The following RIMS2 variants were observed in gnomAD, a reference collection of about 807,000 sequenced individuals.
RIMS2 encodes the protein regulating synaptic membrane exocytosis 2.
In RIMS2, 59 loss-of-function variants were observed where a neutral mutation model predicts 174.4. That is an observed-to-expected ratio of 0.34 (90% CI 0.27 to 0.42). The LOEUF (loss-of-function observed/expected upper bound fraction) is 0.42, where lower values mean the gene tolerates loss of function less well. Ranked by LOEUF, RIMS2 falls within the 10% of genes least tolerant of loss-of-function variation. The pLI is 1.00. For missense variants in RIMS2, 1,620 were observed against 1,666.3 expected, an observed-to-expected ratio of 0.97 and a Z score of 0.48; for synonymous variants, 606 against 572.5, an observed-to-expected ratio of 1.06 and a Z score of -0.84.
chr8:104,104,470 T>C (rs1437825882), intron 19 of RIMS2, among the ~76,000 whole-genome samples: 2 of 152,180 alleles, frequency 1.3e-5, no homozygotes, highest in East Asian at 3.9e-4. Context: ...AGAGTGCTTG[T>C]ATAAATGTCA....
chr8:103,719,681 A>T (rs1046237806), intron 2 of RIMS2, among the ~76,000 whole-genome samples: 7 of 152,240 alleles, frequency 4.6e-5, no homozygotes, highest in African/African-American at 1.7e-4. Flanking sequence ...TTTTAAACAT[A>T]ATTTAATGTT....
At chr8:103,857,046 A>C (rs1258808558) in intron 3 of RIMS2, among the ~76,000 whole-genome samples, 1 of 152,142 alleles carries the variant, frequency 6.6e-6, no homozygotes, top group South Asian at 2.1e-4. Context: ...ATATCATTAC[A>C]TTGAACTTTG....
chr8:104,007,694 G>A (rs962858483), intron 17 of RIMS2, among the ~76,000 whole-genome samples: 2 of 152,162 alleles, frequency 1.3e-5, no homozygotes, highest in African/African-American at 2.4e-5. Flanking sequence ...GTCCTTAACA[G>A]TAGGTCTTAT....
At chr8:104,213,889 AAGAAGAAGAAGAAG>A (rs1159286237) in intron 19 of RIMS2, among the ~76,000 whole-genome samples, 6 of 113,778 alleles carry the variant, frequency 5.3e-5, no homozygotes, top group Non-Finnish European at 8.0e-5. Context: ...AAAAAAAAAA[AAGAAGAAGAAGAAG>A]AAGAAGAAGA....
At chr8:104,214,641 T>A (rs1228051475) in intron 19 of RIMS2, among the ~76,000 whole-genome samples, 2 of 152,072 alleles carry the variant, frequency 1.3e-5, no homozygotes, top group African/African-American at 4.8e-5. Flanking sequence ...AGAGACAGGG[T>A]TTCACCATGT....
intron 17 of RIMS2, among the ~76,000 whole-genome samples, chr8:104,000,342 T>G (rs1458257135): frequency 2.0e-5 from 3 of 151,716 alleles, no homozygotes; most frequent in Non-Finnish European, 4.4e-5. Context: ...TAATATAATG[T>G]CCTCCATTTT....
chr8:103,611,684 TC>T (rs67271971), intron 1 of RIMS2, among the ~76,000 whole-genome samples: 17,568 of 151,740 alleles, frequency 0.12, 1,350 homozygotes, highest in Non-Finnish European at 0.17. Context: ...CTTTTTTTTT[TC>T]CTGCTTTTAG....
At chr8:103,925,803 T>C (rs1908784) in intron 10 of RIMS2, among the ~76,000 whole-genome samples, 1 of 151,514 alleles carries the variant, frequency 6.6e-6, no homozygotes, top group Non-Finnish European at 1.5e-5. Context: ...TCTGGGATGA[T>C]GAAAATATTT....
chr8:103,883,990 T>C (rs2099185041), intron 3 of RIMS2, among the ~76,000 whole-genome samples: 1 of 151,838 alleles, frequency 6.6e-6, no homozygotes, highest in Non-Finnish European at 1.5e-5. Context: ...TTTATTCCTG[T>C]CGCCCATTCA....
rs529180144 is a variant in RIMS2, at chr8:104,150,324, G to A, written c.3335-94592G>A. Among the ~76,000 whole-genome samples the A allele has an allele frequency of 3.3e-5, 5 of 152,202 alleles. No individual in the cohort carries two copies. In the South Asian group the frequency reaches 6.2e-4, roughly 19 times the overall value. ...GGGTTCTTATTTATAAGTATTGAACGCTTACCGTGTGCCAGACACATGAAG... is the reference window on the plus strand; with the variant it reads ...GGGTTCTTATTTATAAGTATTGAACACTTACCGTGTGCCAGACACATGAAG... On this transcript the variant is annotated intron_variant, in intron 19 of 23. Transcript: ENST00000504942.
intron 9 of RIMS2, among the ~76,000 whole-genome samples, chr8:103,919,575 G>C (rs1272346668): frequency 6.6e-6 from 1 of 151,878 alleles, no homozygotes. Flanking sequence ...GGCTAATCTA[G>C]TGGCAAGATA....
At chr8:103,551,172 C>T (rs557059104) in intron 1 of RIMS2, among the ~76,000 whole-genome samples, 7 of 152,264 alleles carry the variant, frequency 4.6e-5, no homozygotes, top group African/African-American at 1.7e-4. Context: ...ACCAATATCC[C>T]TCATGAACAT....
intron 1 of RIMS2, among the ~76,000 whole-genome samples, chr8:103,550,811 G>A (rs201991851): frequency 5.3e-5 from 8 of 152,028 alleles, no homozygotes; most frequent in East Asian, 1.9e-4. Context: ...AACTACCATC[G>A]GAGAATACTA....
intron 1 of RIMS2, chr8:103,501,823 C>G (rs1174965615): frequency 6.6e-6 from 1 of 152,308 alleles, no homozygotes; most frequent in Non-Finnish European, 1.5e-5. Flanking sequence ...TTCTTGCTCA[C>G]GGTCTTGGCA....
intron 1 of RIMS2, among the ~76,000 whole-genome samples, chr8:103,508,591 A>C (rs903354537): frequency 2.0e-5 from 3 of 152,108 alleles, no homozygotes; most frequent in Non-Finnish European, 4.4e-5. Flanking sequence ...TCAGAGCCTA[A>C]AAAGCCTTCT....
chr8:103,853,945 G>A (rs1340222804), intron 3 of RIMS2, among the ~76,000 whole-genome samples: 3 of 151,922 alleles, frequency 2.0e-5, no homozygotes, highest in Admixed American at 1.3e-4. Context: ...TAGTTTGGTA[G>A]GAATTTCATT....
intron 1 of RIMS2, among the ~76,000 whole-genome samples, chr8:103,546,827 A>G (rs1453619413): frequency 1.3e-5 from 2 of 152,276 alleles, no homozygotes; most frequent in Middle Eastern, 3.4e-3. Flanking sequence ...TCCCCATCCT[A>G]CCATCCTCCA....
At chr8:103,510,800 A>G (rs750813603) in intron 1 of RIMS2, among the ~76,000 whole-genome samples, 4 of 152,172 alleles carry the variant, frequency 2.6e-5, no homozygotes, top group Non-Finnish European at 4.4e-5. Flanking sequence ...TTCTTATTTT[A>G]ATCATATCTG....
chr8:103,811,570 G>A (rs945286181), intron 3 of RIMS2, among the ~76,000 whole-genome samples: 1 of 151,722 alleles, frequency 6.6e-6, no homozygotes. Context: ...TCAGCCTCCC[G>A]AGTAGCTGGG....
Sources: gnomAD v4.1 joint callset for allele counts (sites outside exome capture counted in the v4.1 genomes callset) on GRCh38, gnomAD v4.1.1 for gene constraint, MANE v1.5 for transcripts, NCBI Gene and HGNC (gene_info 2026-07-23, HGNC 2026-07-21) for gene names.